Variants in CELF4 observed in about 807,000 individuals in gnomAD.
CELF4 encodes the protein CUGBP Elav-like family member 4, also known as CUG-BP- and ETR-3-like factor 4.
In CELF4, 18 loss-of-function variants were observed where a neutral mutation model predicts 59.9. The ratio of observed to expected loss-of-function variants is 0.30; its 90% confidence interval spans 0.21 to 0.45. CELF4 has a LOEUF of 0.45. Ranked by LOEUF, CELF4 falls within the 20% of genes least tolerant of loss-of-function variation. The pLI, the probability that CELF4 is intolerant of heterozygous loss-of-function variation, is 1.00. For missense variants in CELF4, 456 were observed against 689.0 expected (o/e 0.66, Z 3.79); for synonymous variants, 261 against 267.1 (o/e 0.98, Z 0.22).
chr18:37,373,996 C>T (rs1286988726), intron 2 of CELF4, among the ~76,000 whole-genome samples: 2 of 152,196 alleles, frequency 1.3e-5, no homozygotes, highest in African/African-American at 2.4e-5. Context: ...CAGCTCTCAC[C>T]AAATGAAAAA....
chr18:37,429,569 G>A (rs1483745829), intron 2 of CELF4, among the ~76,000 whole-genome samples: 2 of 152,190 alleles, frequency 1.3e-5, no homozygotes. Context: ...CTATGTCAGA[G>A]GTCTTGGAGT....
At chr18:37,415,703 C>G (rs1171418741) in intron 2 of CELF4, among the ~76,000 whole-genome samples, 1 of 152,146 alleles carries the variant, frequency 6.6e-6, no homozygotes, top group Non-Finnish European at 1.5e-5. Context: ...GTATATGGAG[C>G]CTGACGATTT....
chr18:37,361,327 T>C (rs1020773477), intron 2 of CELF4, among the ~76,000 whole-genome samples: 2 of 152,320 alleles, frequency 1.3e-5, no homozygotes, highest in East Asian at 3.9e-4. Flanking sequence ...TGGTTGTGCC[T>C]GTGGCTCACC....
At chr18:37,343,427 G>T (rs866380260) in intron 2 of CELF4, among the ~76,000 whole-genome samples, 18 of 149,200 alleles carry the variant, frequency 1.2e-4, no homozygotes, top group Middle Eastern at 3.5e-3. Flanking sequence ...CATCCCAAAG[G>T]CTCCAAAATC....
intron 2 of CELF4, among the ~76,000 whole-genome samples, chr18:37,419,218 T>G (rs2154593453): frequency 6.6e-6 from 1 of 152,332 alleles, no homozygotes; most frequent in South Asian, 2.1e-4. Context: ...ACTCTTTTGT[T>G]TGATTACATG....
At chr18:37,365,782 G>A (rs563049484) in intron 2 of CELF4, among the ~76,000 whole-genome samples, 7 of 152,198 alleles carry the variant, frequency 4.6e-5, no homozygotes, top group South Asian at 2.1e-4. Flanking sequence ...CACCGCACCC[G>A]GCCTGGGATG....
At chr18:37,506,386 G>A (rs908693505) in intron 1 of CELF4, among the ~76,000 whole-genome samples, 1 of 152,186 alleles carries the variant, frequency 6.6e-6, no homozygotes, top group African/African-American at 2.4e-5. Context: ...CCAGCTCCCT[G>A]TAGGTCAAGC....
chr18:37,275,109 G>A lies in CELF4; in HGVS notation c.577+6C>T, dbSNP rs547029799. ...GGGGCATCCCTCCCGGCCCCGCCCCGCGCACCCTTGCTGTTGCCGTCGGGC... is the reference window on the plus strand; with the variant it reads ...GGGGCATCCCTCCCGGCCCCGCCCCACGCACCCTTGCTGTTGCCGTCGGGC... On this transcript the variant is annotated splice_donor_region_variant and intron_variant, in intron 4 of 12. Coordinates refer to ENST00000420428, the MANE Select transcript of CELF4 (RefSeq NM_020180.4). 30 of 1,612,454 alleles carry A rather than the reference G, an allele frequency of 1.9e-5. 2 individuals are homozygous for A. The South Asian group carries it at 3.2e-4, about 17-fold the overall frequency.
At chr18:37,416,219 C>T (rs945264732) in intron 2 of CELF4, among the ~76,000 whole-genome samples, 5 of 144,844 alleles carry the variant, frequency 3.5e-5, no homozygotes, top group African/African-American at 1.2e-4. Flanking sequence ...TCCACCCATC[C>T]ATCCATTCAT....
intron 2 of CELF4, among the ~76,000 whole-genome samples, chr18:37,414,461 T>G (rs1477945492): frequency 2.0e-5 from 3 of 151,416 alleles, no homozygotes; most frequent in Non-Finnish European, 4.4e-5. Context: ...CATTCTTCTA[T>G]CTATCCATCT....
intron 2 of CELF4, among the ~76,000 whole-genome samples, chr18:37,479,067 T>C (rs2099858825): frequency 6.6e-6 from 1 of 152,214 alleles, no homozygotes; most frequent in African/African-American, 2.4e-5. Context: ...GTGCTGAAAC[T>C]GCTAAGCCCT....
At chr18:37,268,011 T>C (rs1165591136) in intron 8 of CELF4, among the ~76,000 whole-genome samples, 1 of 152,040 alleles carries the variant, frequency 6.6e-6, no homozygotes, top group Non-Finnish European at 1.5e-5. Context: ...CACTCCAGCC[T>C]GGGCAACAAT....
At chr18:37,367,093 A>T (rs1243730523) in intron 2 of CELF4, among the ~76,000 whole-genome samples, 1 of 152,152 alleles carries the variant, frequency 6.6e-6, no homozygotes, top group African/African-American at 2.4e-5. Context: ...TTGGCAAGCT[A>T]TGCGGCCAGC....
At chr18:37,384,389 G>A (rs944475247) in intron 2 of CELF4, among the ~76,000 whole-genome samples, 4 of 152,160 alleles carry the variant, frequency 2.6e-5, no homozygotes, top group Admixed American at 2.6e-4. Flanking sequence ...AGGGACTGGG[G>A]ATGAGGACAG....
At chr18:37,402,484 T>C (rs1451484420) in intron 2 of CELF4, among the ~76,000 whole-genome samples, 1 of 152,084 alleles carries the variant, frequency 6.6e-6, no homozygotes, top group Non-Finnish European at 1.5e-5. Flanking sequence ...TGGACCCCCC[T>C]CTTCTTGTCC....
chr18:37,439,863 A>T (rs1410421052), intron 2 of CELF4, among the ~76,000 whole-genome samples: 2 of 152,130 alleles, frequency 1.3e-5, no homozygotes, highest in African/African-American at 2.4e-5. Flanking sequence ...AGACATTTAT[A>T]TGTGTATTAA....
chr18:37,438,774 A>T (rs912926024), intron 2 of CELF4, among the ~76,000 whole-genome samples: 1 of 152,088 alleles, frequency 6.6e-6, no homozygotes, highest in Non-Finnish European at 1.5e-5. Context: ...TTATCTAGAG[A>T]GCTTGAATTG....
chr18:37,289,457 C>T (rs1250514143), intron 3 of CELF4, among the ~76,000 whole-genome samples: 1 of 152,178 alleles, frequency 6.6e-6, no homozygotes, highest in Admixed American at 6.5e-5. Flanking sequence ...ATGACAAGCA[C>T]TGTGGGGCTG....
At chr18:37,338,637 C>G (rs554876444) in intron 2 of CELF4, among the ~76,000 whole-genome samples, 2 of 152,296 alleles carry the variant, frequency 1.3e-5, no homozygotes, top group Admixed American at 6.5e-5. Context: ...CACCAGGCCA[C>G]GTGATGTCAT....
Sources: allele counts gnomAD v4.1 joint callset (sites outside exome capture counted in the v4.1 genomes callset), GRCh38; gene constraint gnomAD v4.1.1; transcripts MANE v1.5; gene names NCBI Gene and HGNC (gene_info 2026-07-23, HGNC 2026-07-21).